The following PCDHA8 variants were observed in gnomAD, a reference collection of about 807,000 sequenced individuals.
PCDHA8 encodes the protein protocadherin alpha-8.
A neutral mutation model predicts 61.8 loss-of-function variants in PCDHA8; 53 were observed. That is an observed-to-expected ratio of 0.86 (90% CI 0.69 to 1.08). PCDHA8 has a LOEUF of 1.08. PCDHA8 is among the 50% of genes least tolerant of loss of function. PCDHA8 has a pLI of 0.00. For missense variants in PCDHA8, 1,293 were observed against 1,245.0 expected, an observed-to-expected ratio of 1.04 and a Z score of -0.58; for synonymous variants, 618 against 556.6, an observed-to-expected ratio of 1.11 and a Z score of -1.55.
At chr5:140,924,762 G>A (rs1554202136) in intron 1 of PCDHA8, among the ~76,000 whole-genome samples, 1 of 151,856 alleles carries the variant, frequency 6.6e-6, no homozygotes, top group Non-Finnish European at 1.5e-5. Context: ...GAGCATGGTG[G>A]TGCGCGCTTG....
At chr5:140,871,729 G>A in intron 1 of PCDHA8, 1 of 714,516 alleles carries the variant, frequency 1.4e-6, no homozygotes, top group Non-Finnish European at 2.2e-6. Flanking sequence ...TTAATATTTG[G>A]TTAGCAAATC....
At position 140,877,008 on chromosome 5, in the gene PCDHA8, G is replaced by A. The variant is rs368922456; in HGVS notation, c.2394+33293G>A. On this transcript the variant is annotated intron_variant, in intron 1 of 3. Coordinates refer to ENST00000531613, the MANE Select transcript of PCDHA8 (RefSeq NM_018911.3). Reference sequence around the variant, plus strand: ...TGTCGAGCTACGTGTCGGTGCACGCGGAGAGCGGCAAGGTGTACGCGCTGC... The same window carrying A: ...TGTCGAGCTACGTGTCGGTGCACGCAGAGAGCGGCAAGGTGTACGCGCTGC... 82 of 1,612,526 alleles carry A rather than the reference G, an allele frequency of 5.1e-5. No homozygotes were observed. The African/African-American group carries it at 9.3e-4, about 18-fold the overall frequency.
intron 1 of PCDHA8, among the ~76,000 whole-genome samples, chr5:140,973,344 A>G (rs1389229715): frequency 1.3e-5 from 2 of 152,258 alleles, no homozygotes; most frequent in African/African-American, 2.4e-5. Flanking sequence ...AAAGTGACAT[A>G]GTAGTGAATT....
chr5:140,934,001 T>A (rs2089559391), intron 1 of PCDHA8, among the ~76,000 whole-genome samples: 1 of 152,066 alleles, frequency 6.6e-6, no homozygotes, highest in Admixed American at 6.6e-5. Context: ...TCACCTCTCA[T>A]TTTTCTTGAC....
At position 140,946,611 on chromosome 5, in the gene PCDHA8, A is replaced by AATATATAT. The variant is rs1554217734; in HGVS notation, c.2395-32324_2395-32317dup. Among the ~76,000 whole-genome samples, 282 of 86,744 alleles carry AATATATAT rather than the reference A, an allele frequency of 3.3e-3. 10 individuals carry two copies. Among genetic ancestry groups the AATATATAT allele is most frequent in the African/African-American group, 0.015 (234 of 15,690 alleles). The allele number at this position is 86,744 out of a possible 152,430, so 56.9% of individuals were successfully genotyped here. A position where few individuals can be genotyped will look rare whatever the true frequency, so the allele number is the denominator to read the frequency against. Reference sequence around the variant, plus strand: ...GGATGAATAGATAAAGAAAATGTGAAATATATATATATATATATATACAAT... The same window carrying AATATATAT: ...GGATGAATAGATAAAGAAAATGTGAAATATATATATATATATATATATATATATACAAT... On this transcript the variant is annotated intron_variant, in intron 1 of 3. Coordinates refer to ENST00000531613, the MANE Select transcript of PCDHA8 (RefSeq NM_018911.3).
At position 140,927,270 on chromosome 5, in the gene PCDHA8, C is replaced by T. The variant is rs541200655; in HGVS notation, c.2395-51679C>T. 5 of 1,614,150 alleles carry T rather than the reference C, an allele frequency of 3.1e-6. No individual in the cohort carries two copies. The South Asian group carries it at 3.3e-5, about 11-fold the overall frequency. ...ATGACAACTCACCTCTCTTTCCTGCCGGCGACGTGCAGCTGCACATCCCCG... is the reference window on the plus strand; with the variant it reads ...ATGACAACTCACCTCTCTTTCCTGCTGGCGACGTGCAGCTGCACATCCCCG... On this transcript the variant is annotated intron_variant, in intron 1 of 3. Transcript: ENST00000531613.
At position 140,993,767 on chromosome 5, in the gene PCDHA8, G is replaced by C. The variant is rs115607244; in HGVS notation, c.2542+11204G>C. ...ATACTTGCCATTATATTACAATTGC[G>C]CAGTATTTTGTACAGTAACATGCTG... On this transcript the variant is annotated intron_variant, in intron 3 of 3. Transcript: ENST00000531613. Among the ~76,000 whole-genome samples, 826 of 152,124 alleles carry C rather than the reference G, an allele frequency of 5.4e-3. 11 individuals are homozygous for C. Among genetic ancestry groups the C allele is most frequent in the African/African-American group, 0.018 (749 of 41,482 alleles).
chr5:140,968,657 G>T (rs782383428), intron 1 of PCDHA8: 16 of 1,614,142 alleles, frequency 9.9e-6, no homozygotes, highest in Non-Finnish European at 1.4e-5. Flanking sequence ...TTCTGACCTG[G>T]ACCTCTTTAA....
At chr5:140,957,130 A>C in intron 1 of PCDHA8, among the ~76,000 whole-genome samples, 1 of 152,188 alleles carries the variant, frequency 6.6e-6, no homozygotes, top group Middle Eastern at 3.2e-3. Flanking sequence ...TCTTTACTAC[A>C]CTATGAACTA....
At chr5:140,897,874 T>C (rs541496059) in intron 1 of PCDHA8, among the ~76,000 whole-genome samples, 2,161 of 152,206 alleles carry the variant, frequency 0.014, 44 homozygotes, top group African/African-American at 0.049. Context: ...TTTTAATGAT[T>C]GCCATTCTAA....
chr5:140,911,605 T>C (rs2075559169), intron 1 of PCDHA8, among the ~76,000 whole-genome samples: 1 of 152,224 alleles, frequency 6.6e-6, no homozygotes, highest in Non-Finnish European at 1.5e-5. Context: ...AACTTCATTA[T>C]GTTCCTTAGT....
At chr5:140,971,624 T>C (rs2153790714) in intron 1 of PCDHA8, among the ~76,000 whole-genome samples, 1 of 152,254 alleles carries the variant, frequency 6.6e-6, no homozygotes, top group East Asian at 1.9e-4. Flanking sequence ...TGGGGTACAA[T>C]TAGTACCATG....
intron 3 of PCDHA8, among the ~76,000 whole-genome samples, chr5:140,999,630 A>G (rs2097866462): frequency 1.3e-5 from 2 of 152,210 alleles, no homozygotes; most frequent in Non-Finnish European, 2.9e-5. Context: ...GAAACAAGGT[A>G]GAGAAAACTG....
intron 1 of PCDHA8, chr5:140,866,095 A>G (rs1475761817): frequency 6.6e-6 from 1 of 152,152 alleles, no homozygotes; most frequent in East Asian, 1.9e-4. Flanking sequence ...TGTAATTGTT[A>G]AGTAATTAAG....
chr5:140,874,521 T>C (rs571924676), intron 1 of PCDHA8, among the ~76,000 whole-genome samples: 4 of 152,358 alleles, frequency 2.6e-5, no homozygotes, highest in African/African-American at 9.6e-5. Flanking sequence ...CTTTAGTCAA[T>C]GAGATTAGGC....
intron 1 of PCDHA8, chr5:140,882,587 G>A (rs559310344): frequency 6.2e-7 from 1 of 1,614,256 alleles, no homozygotes; most frequent in East Asian, 2.2e-5. Flanking sequence ...CATCCACCTG[G>A]AGGTGATCGT....
At chr5:140,920,835 C>T (rs1253933771) in intron 1 of PCDHA8, among the ~76,000 whole-genome samples, 1 of 141,740 alleles carries the variant, frequency 7.1e-6, no homozygotes, top group Non-Finnish European at 1.5e-5. Flanking sequence ...GGAGCAAGAC[C>T]AAATCTAAAA....
At chr5:140,850,634 C>T (rs2150491694) in intron 1 of PCDHA8, 2 of 1,598,662 alleles carry the variant, frequency 1.3e-6, no homozygotes, top group South Asian at 1.1e-5. Flanking sequence ...TGTTGGTTCT[C>T]ACGCTGCTGC....
chr5:140,968,768 C>T, intron 1 of PCDHA8: 1 of 1,614,174 alleles, frequency 6.2e-7, no homozygotes, highest in South Asian at 1.1e-5. Flanking sequence ...TAATGGAGAG[C>T]CATCACTATC....
Sources: allele counts gnomAD v4.1 joint callset (sites outside exome capture counted in the v4.1 genomes callset), GRCh38; gene constraint gnomAD v4.1.1; transcripts MANE v1.5; gene names NCBI Gene and HGNC (gene_info 2026-07-23, HGNC 2026-07-21).